Variants in DYM observed in about 807,000 individuals in gnomAD.
DYM encodes the protein dymeclin.
A neutral mutation model predicts 93.1 loss-of-function variants in DYM; 78 were observed. That is an observed-to-expected ratio of 0.84 (90% CI 0.70 to 1.01). The LOEUF is 1.01. Among genes scored for constraint, DYM ranks in the 50% least tolerant of loss-of-function variants. DYM has a pLI of 0.00. For missense variants in DYM, 789 were observed against 845.0 expected (o/e 0.93, Z 0.82); for synonymous variants, 321 against 319.7 (o/e 1.00, Z -0.04).
At chr18:49,102,257 G>A (rs1657279726) in intron 16 of DYM, among the ~76,000 whole-genome samples, 1 of 152,196 alleles carries the variant, frequency 6.6e-6, no homozygotes, top group Non-Finnish European at 1.5e-5. Context: ...ATTTAAGGCT[G>A]TAAATTTCTC....
intron 13 of DYM, among the ~76,000 whole-genome samples, chr18:49,249,799 A>G (rs2094248012): frequency 6.6e-6 from 1 of 152,270 alleles, no homozygotes. Context: ...TCTGAAGTGT[A>G]TATACTCACT....
At chr18:49,185,545 A>G (rs2090355524) in intron 14 of DYM, among the ~76,000 whole-genome samples, 1 of 152,256 alleles carries the variant, frequency 6.6e-6, no homozygotes. Context: ...CTAGAAATAA[A>G]AGGCAGAAAG....
intron 14 of DYM, among the ~76,000 whole-genome samples, chr18:49,204,449 G>A (rs996830852): frequency 1.3e-5 from 2 of 152,126 alleles, no homozygotes; most frequent in Non-Finnish European, 2.9e-5. Flanking sequence ...AATAGTAGCA[G>A]CTATATTTTT....
rs2070877188 is a variant in DYM at position 49,040,672 on chromosome 18, G to C, written c.*3383C>G. Among the ~76,000 whole-genome samples the C allele has an allele frequency of 6.6e-6, 1 of 152,160 alleles. No homozygotes were observed. Among genetic ancestry groups the C allele is most frequent in the Admixed American group, 6.5e-5 (1 of 15,280 alleles). On this transcript the variant is annotated 3_prime_UTR_variant, in exon 18 of 18. Coordinates refer to ENST00000675505, the MANE Select transcript of DYM (RefSeq NM_001353214.3). ...GCAACTACTGATATTGCAGGATAGT[G>C]CCTAGGAAAGAATTAAGAGACCCAA...
At chr18:49,230,161 G>T (rs2093653969) in intron 13 of DYM, among the ~76,000 whole-genome samples, 1 of 152,104 alleles carries the variant, frequency 6.6e-6, no homozygotes, top group African/African-American at 2.4e-5. Flanking sequence ...TCAACTCAAA[G>T]AACTATTTAC....
chr18:49,355,122 C>T (rs566294724), intron 6 of DYM, among the ~76,000 whole-genome samples: 1 of 151,692 alleles, frequency 6.6e-6, no homozygotes, highest in Non-Finnish European at 1.5e-5. Flanking sequence ...ATACTTTAAC[C>T]ATCATCCTTT....
At chr18:49,105,866 G>A in intron 16 of DYM, among the ~76,000 whole-genome samples, 1 of 152,228 alleles carries the variant, frequency 6.6e-6, no homozygotes, top group East Asian at 1.9e-4. Context: ...GTGTGGTGCT[G>A]AGAAGAATGT....
At chr18:49,093,480 G>A (rs1230887856) in intron 17 of DYM, among the ~76,000 whole-genome samples, 1 of 152,168 alleles carries the variant, frequency 6.6e-6, no homozygotes, top group Non-Finnish European at 1.5e-5. Flanking sequence ...ACCCCAATTA[G>A]GAGTTTATAG....
chr18:49,362,988 A>C (rs937961333), intron 6 of DYM, among the ~76,000 whole-genome samples, 173 bp downstream of exon 6: 17 of 152,234 alleles, frequency 1.1e-4, no homozygotes, highest in Admixed American at 1.0e-3. Flanking sequence ...TGTTTTGACA[A>C]TGAATAGTCA....
chr18:49,317,596 T>TCTCTC (rs1381346703), intron 8 of DYM, among the ~76,000 whole-genome samples: 1 of 31,148 alleles, frequency 3.2e-5, no homozygotes, highest in Non-Finnish European at 5.3e-5. Flanking sequence ...TCTCTCTCTC[T>TCTCTC]CCCCCCTCCC....
Position 49,264,419 on chromosome 18 carries a change from C to G in DYM, c.1252-5926G>C, listed in dbSNP as rs574421181. ...GTGGTTCTACCAATTTATACTCCCA[C>G]TACCAGCATATGAGAGTCCTTTTTC... On this transcript the variant is annotated intron_variant, in intron 11 of 17. Coordinates refer to ENST00000675505, the MANE Select transcript of DYM (RefSeq NM_001353214.3). Among the ~76,000 whole-genome samples, 98 of 152,254 alleles carry G rather than the reference C, an allele frequency of 6.4e-4. 1 individual carries two copies. The highest frequency in any genetic ancestry group is 1.1e-3 in the Non-Finnish European group (75 of 68,022).
rs576028726 is a variant in DYM at position 49,049,879 on chromosome 18, CACAAGTGCTG to C, written c.2026-5685_2026-5676del. The C allele has an allele frequency of 6.3e-4, 98 of 154,470 alleles. 4 individuals carry two copies. The South Asian group carries it at 0.019, about 29-fold the overall frequency. The allele number at this position is 154,470 out of a possible 1,614,324, so 9.6% of individuals were successfully genotyped here. On this transcript the variant is annotated intron_variant, in intron 17 of 17. Transcript: ENST00000675505. Reference sequence around the variant, plus strand: ...TAAGCCTCCCTGCATGAAAACCAGACACAAGTGCTGACAAATGGCTTAAAGGCACTGAGCT... The same window carrying C: ...TAAGCCTCCCTGCATGAAAACCAGACACAAATGGCTTAAAGGCACTGAGCT...
chr18:49,226,649 T>C (rs1844096953), intron 13 of DYM, among the ~76,000 whole-genome samples: 2 of 152,152 alleles, frequency 1.3e-5, no homozygotes, highest in Admixed American at 1.3e-4. Context: ...CTAATGGAGA[T>C]TTCATAAGAA....
intron 8 of DYM, among the ~76,000 whole-genome samples, chr18:49,300,072 TATATATATATATAA>T (rs1284500379): frequency 2.3e-5 from 3 of 130,944 alleles, no homozygotes; most frequent in African/African-American, 3.5e-5. Context: ...TATATATAAA[TATATATATATATAA>T]ATATATATAT....
intron 17 of DYM, among the ~76,000 whole-genome samples, chr18:49,055,891 T>C (rs1407705735): frequency 6.6e-6 from 1 of 152,182 alleles, no homozygotes; most frequent in African/African-American, 2.4e-5. Context: ...GGAAATATCC[T>C]GGGAGGGCTC....
At chr18:49,399,173 G>C (rs1355643115) in intron 2 of DYM, among the ~76,000 whole-genome samples, 2 of 152,186 alleles carry the variant, frequency 1.3e-5, no homozygotes, top group African/African-American at 4.8e-5. Flanking sequence ...GGGGAAGTAT[G>C]AATTATGAAA....
chr18:49,141,452 C>A (rs1335601736), intron 15 of DYM, among the ~76,000 whole-genome samples: 1 of 151,978 alleles, frequency 6.6e-6, no homozygotes, highest in Non-Finnish European at 1.5e-5. Context: ...TTCCTTCATA[C>A]TCATTTAATG....
chr18:49,157,094 C>T lies in DYM; in HGVS notation c.1728+6591G>A, dbSNP rs566003816. Among the ~76,000 whole-genome samples, 7 of 152,150 alleles carry T rather than the reference C, an allele frequency of 4.6e-5. No individual in the cohort carries two copies. The East Asian group carries it at 1.4e-3, about 29-fold the overall frequency. On this transcript the variant is annotated intron_variant, in intron 15 of 17. Transcript: ENST00000675505. ...CCTTGGGAATTCCAAGGTCAGGAAG[C>T]ACCCTGGGAAGAGGGAGTCCATCTT...
chr18:49,090,567 C>T (rs1185006097), intron 17 of DYM, among the ~76,000 whole-genome samples: 1 of 152,150 alleles, frequency 6.6e-6, no homozygotes, highest in Admixed American at 6.5e-5. Flanking sequence ...TCGGTCTCCT[C>T]GACTTTCTGT....
Sources: allele counts gnomAD v4.1 joint callset (sites outside exome capture counted in the v4.1 genomes callset), GRCh38; gene constraint gnomAD v4.1.1; transcripts MANE v1.5; gene names NCBI Gene and HGNC (gene_info 2026-07-23, HGNC 2026-07-21).